The following WNT9A variants were observed in gnomAD, a reference collection of about 807,000 sequenced individuals.
The protein encoded by WNT9A is protein Wnt-9a.
In WNT9A, 8 loss-of-function variants were observed where a neutral mutation model predicts 31.4. The ratio of observed to expected loss-of-function variants is 0.26; its 90% confidence interval spans 0.15 to 0.46. The LOEUF (loss-of-function observed/expected upper bound fraction) is 0.46, where lower values mean the gene tolerates loss of function less well. WNT9A is among the 20% of genes least tolerant of loss of function. The probability of loss-of-function intolerance (pLI) is 0.99; values close to 1 mark genes in which losing one functional copy is unlikely to be tolerated. For synonymous variants in WNT9A, 236 were observed against 220.1 expected, an observed-to-expected ratio of 1.07 and a Z score of -0.64; for missense variants, 457 against 522.9, an observed-to-expected ratio of 0.87 and a Z score of 1.23.
intron 1 of WNT9A, among the ~76,000 whole-genome samples, chr1:227,941,204 CA>C (rs530822068): frequency 2.1e-4 from 32 of 152,324 alleles, no homozygotes; most frequent in African/African-American, 7.7e-4. Flanking sequence ...ATGAGTGACA[CA>C]GATCCACCTG....
At position 227,925,645 on chromosome 1, in the gene WNT9A, C is replaced by G. The variant is rs1352497567; in HGVS notation, c.96-126G>C. On this transcript the variant is annotated intron_variant, in intron 1 of 3. Coordinates refer to ENST00000272164, the MANE Select transcript of WNT9A (RefSeq NM_003395.4). The surrounding 1 kb of genome is among the most constrained non-coding windows in gnomAD (Gnocchi z 6.0). Reference sequence around the variant, plus strand: ...CCGGGGGTGAGGGGGCAGAAAGAATCCAGGATGAGCCAGGCAGGGGAGAGG... The same window carrying G: ...CCGGGGGTGAGGGGGCAGAAAGAATGCAGGATGAGCCAGGCAGGGGAGAGG... 6.6e-6 allele frequency: 9 copies of G among 1,361,196 alleles called. No homozygotes were observed. The highest frequency in any genetic ancestry group is 8.7e-6 in the Non-Finnish European group (9 of 1,038,540). 84.3% of individuals were successfully genotyped at this position (1,361,196 alleles called of 1,614,324 possible).
At position 227,921,998 on chromosome 1, in the gene WNT9A, C is replaced by G; in HGVS notation, c.618G>C (p.Val206=). 2 of 1,604,100 alleles carry G rather than the reference C, an allele frequency of 1.2e-6. No homozygotes were observed. The highest frequency in any genetic ancestry group is 1.7e-6 in the Non-Finnish European group (2 of 1,174,276). Residue 206 remains valine (V), a splice_region_variant and synonymous_variant, in exon 4 of 4, where the codon GTG becomes GTC. Transcript: ENST00000272164. ...AGGTGGTCTCCACCCCAGCCTTGAT[C>G]ACCTGGCAGAAGGGTGCGGGAGGGA... is the stretch of plus-strand genomic sequence containing the variant. The part of the protein sequence containing the change: ...DFHNNLVGVK[V]IKAGVETTCK...
chr1:227,922,657 G>A (rs913316124), intron 3 of WNT9A, among the ~76,000 whole-genome samples: 28 of 152,206 alleles, frequency 1.8e-4, no homozygotes, highest in African/African-American at 6.5e-4. Flanking sequence ...GCCCCAGAGG[G>A]GGGTGCACCC....
chr1:227,925,357 C>T lies in WNT9A; in HGVS notation c.258G>A (p.Val86=). Residue 86 remains valine, a synonymous_variant, in exon 2 of 4, where the codon GTG becomes GTA. Coordinates refer to ENST00000272164, the MANE Select transcript of WNT9A (RefSeq NM_003395.4). This position sits in a 1 kb window ranked among gnomAD's most constrained non-coding sequence, Gnocchi z 6.0. The part of the protein sequence containing the change: ...PGVAETLVEA[V]SMSALECQFQ... ...ACTGGCACTCGAGCGCACTCATGCT[C>T]ACGGCCTCCACCAGCGTCTCTGCCA... The T allele has an allele frequency of 6.2e-7, 1 of 1,611,218 alleles. No individual in the cohort carries two copies. The highest frequency in any genetic ancestry group is 2.2e-5 in the East Asian group (1 of 44,786).
chr1:227,929,200 C>T (rs373200826), intron 1 of WNT9A, among the ~76,000 whole-genome samples: 11 of 152,262 alleles, frequency 7.2e-5, no homozygotes, highest in Admixed American at 2.6e-4. Context: ...GAGACCGTGA[C>T]GGGAGGGTTG....
rs145123434 is a variant in WNT9A, at chr1:227,925,621, C to A, written c.96-102G>T. On this transcript the variant is annotated intron_variant, in intron 1 of 3. Transcript: ENST00000272164. The surrounding 1 kb of genome is among the most constrained non-coding windows in gnomAD (Gnocchi z 6.0). ...GGTACAGGGGACAGGCGTGTCCATCCGGGGGTGAGGGGGCAGAAAGAATCC... is the reference window on the plus strand; with the variant it reads ...GGTACAGGGGACAGGCGTGTCCATCAGGGGGTGAGGGGGCAGAAAGAATCC... 9,511 of 1,412,516 alleles carry A rather than the reference C, an allele frequency of 6.7e-3. 37 individuals carry two copies. Among genetic ancestry groups the A allele is most frequent in the South Asian group, 9.8e-3 (642 of 65,560 alleles). The allele number at this position is 1,412,516 out of a possible 1,614,324, so 87.5% of individuals were successfully genotyped here.
intron 3 of WNT9A, among the ~76,000 whole-genome samples, chr1:227,922,373 A>C (rs1666336993): frequency 6.6e-6 from 1 of 152,154 alleles, no homozygotes; most frequent in African/African-American, 2.4e-5. Context: ...GGGACTTCAC[A>C]TCTGCTCTCA....
intron 1 of WNT9A, among the ~76,000 whole-genome samples, chr1:227,935,919 C>T (rs1313848008): frequency 1.3e-5 from 2 of 152,214 alleles, no homozygotes; most frequent in African/African-American, 2.4e-5. Flanking sequence ...ATATTCCCAT[C>T]GACTCTCCCG....
intron 1 of WNT9A, among the ~76,000 whole-genome samples, chr1:227,937,707 C>T (rs1666620127): frequency 1.3e-5 from 2 of 152,262 alleles, no homozygotes; most frequent in African/African-American, 4.8e-5. Context: ...AGGACCCTCC[C>T]CTCAAGCCTC....
chr1:227,935,756 T>C (rs1276841542), intron 1 of WNT9A, among the ~76,000 whole-genome samples: 1 of 152,230 alleles, frequency 6.6e-6, no homozygotes, highest in Non-Finnish European at 1.5e-5. Flanking sequence ...GTTGTTGTTG[T>C]TATTCCACAT....
chr1:227,944,920 TA>T, intron 1 of WNT9A, among the ~76,000 whole-genome samples: 1 of 152,198 alleles, frequency 6.6e-6, no homozygotes, highest in Non-Finnish European at 1.5e-5. Flanking sequence ...CCAGGACCCC[TA>T]AGGAAAGGGC....
chr1:227,946,316 C>A (rs755626814), intron 1 of WNT9A, among the ~76,000 whole-genome samples: 1 of 152,256 alleles, frequency 6.6e-6, no homozygotes, highest in Non-Finnish European at 1.5e-5. Flanking sequence ...CGGATCACAG[C>A]AGGGACAAAG....
intron 1 of WNT9A, among the ~76,000 whole-genome samples, chr1:227,929,390 T>C (rs976489515): frequency 6.6e-6 from 1 of 152,226 alleles, no homozygotes; most frequent in Non-Finnish European, 1.5e-5. Flanking sequence ...GACTGACATA[T>C]CTAGGAAACT....
At chr1:227,941,981 G>C (rs1203143087) in intron 1 of WNT9A, among the ~76,000 whole-genome samples, 2 of 152,046 alleles carry the variant, frequency 1.3e-5, no homozygotes, top group Non-Finnish European at 2.9e-5. Flanking sequence ...AGGGTCCAGA[G>C]CCTCCAGGAG....
intron 1 of WNT9A, among the ~76,000 whole-genome samples, chr1:227,929,910 GAC>G (rs1484087182): frequency 6.6e-6 from 1 of 152,236 alleles, no homozygotes; most frequent in African/African-American, 2.4e-5. Context: ...GACCTCACCA[GAC>G]ACAGAATCTG....
chr1:227,931,947 T>C (rs2102723581), intron 1 of WNT9A, among the ~76,000 whole-genome samples: 1 of 151,148 alleles, frequency 6.6e-6, no homozygotes, highest in South Asian at 2.1e-4. Context: ...GGTCTGGAAC[T>C]CCTGACCTCT....
Position 227,925,631 on chromosome 1 carries a change from G to A in WNT9A, c.96-112C>T. 1 of 1,404,332 alleles carries A rather than the reference G, an allele frequency of 7.1e-7. No homozygotes were observed. The highest frequency in any genetic ancestry group is 1.5e-5 in the South Asian group (1 of 65,420). 87.0% of individuals were successfully genotyped at this position (1,404,332 alleles called of 1,614,324 possible). On this transcript the variant is annotated intron_variant, in intron 1 of 3. Coordinates refer to ENST00000272164, the MANE Select transcript of WNT9A (RefSeq NM_003395.4). The surrounding 1 kb of genome is among the most constrained non-coding windows in gnomAD (Gnocchi z 6.0). ...ACAGGCGTGTCCATCCGGGGGTGAG[G>A]GGGCAGAAAGAATCCAGGATGAGCC... is the stretch of plus-strand genomic sequence containing the variant.
chr1:227,943,774 A>G (rs1182982589), intron 1 of WNT9A, among the ~76,000 whole-genome samples: 1 of 152,162 alleles, frequency 6.6e-6, no homozygotes, highest in Non-Finnish European at 1.5e-5. Context: ...CAGGAGTTCA[A>G]AATCAGCCTG....
At chr1:227,939,292 G>A (rs1214416527) in intron 1 of WNT9A, among the ~76,000 whole-genome samples, 1 of 152,188 alleles carries the variant, frequency 6.6e-6, no homozygotes, top group African/African-American at 2.4e-5. Flanking sequence ...AGCTGGCCGC[G>A]GTGGTCAGCA....
Sources: gnomAD v4.1 joint callset for allele counts (sites outside exome capture counted in the v4.1 genomes callset) on GRCh38, gnomAD v4.1.1 for gene constraint, Gnocchi (gnomAD v3.1) non-coding constraint, MANE v1.5 for transcripts, NCBI Gene and HGNC (gene_info 2026-07-23, HGNC 2026-07-21) for gene names.